GREM2: variants seen among roughly 807,000 people sequenced by gnomAD.
GREM2 encodes gremlin-2.
Under a neutral mutation model 14.2 loss-of-function variants are expected in GREM2, and 11 were observed. The observed-to-expected ratio is 0.78, with a 90% CI of 0.49 to 1.28. The LOEUF is 1.28. Ranked by LOEUF, GREM2 falls within the 50% of genes most tolerant of loss-of-function variation. GREM2 has a pLI of 0.00. For synonymous variants in GREM2, 98 were observed against 97.6 expected (o/e 1.00, Z -0.02); for missense variants, 210 against 218.5 (o/e 0.96, Z 0.24).
Position 240,490,154 on chromosome 1 carries a change from T to C in GREM2, c.*2815A>G, listed in dbSNP as rs1386030148. The C allele has an allele frequency of 6.6e-6, 1 of 152,232 alleles. No homozygotes were observed. Among genetic ancestry groups the C allele is most frequent in the Non-Finnish European group, 1.5e-5 (1 of 68,050 alleles). 9.4% of individuals were successfully genotyped at this position (152,232 alleles called of 1,614,324 possible). ...CTGGTGCTAACGGAGAGACTAACAGTGGACTTCCATTGCTGCAGTTTCTCA... is the reference window on the plus strand; with the variant it reads ...CTGGTGCTAACGGAGAGACTAACAGCGGACTTCCATTGCTGCAGTTTCTCA... On this transcript the variant is annotated 3_prime_UTR_variant, in exon 2 of 2. Coordinates refer to ENST00000318160, the MANE Select transcript of GREM2 (RefSeq NM_022469.4).
At chr1:240,546,548 T>C (rs976570054) in intron 1 of GREM2, among the ~76,000 whole-genome samples, 6 of 152,170 alleles carry the variant, frequency 3.9e-5, no homozygotes, top group Admixed American at 3.3e-4. Flanking sequence ...TGTTCCTACA[T>C]AGAGTTTTGC....
chr1:240,563,227 G>A (rs368738685), intron 1 of GREM2, among the ~76,000 whole-genome samples: 44 of 151,406 alleles, frequency 2.9e-4, no homozygotes, highest in Middle Eastern at 3.4e-3. Flanking sequence ...TTGAGTGTGC[G>A]TGAGAGTGTG....
chr1:240,577,536 G>A (rs1477582829), intron 1 of GREM2, among the ~76,000 whole-genome samples: 1 of 152,216 alleles, frequency 6.6e-6, no homozygotes, highest in Non-Finnish European at 1.5e-5. Context: ...AGTGATTGAT[G>A]ACGGGAGGTG....
At position 240,493,492 on chromosome 1, in the gene GREM2, G is replaced by C; in HGVS notation, c.-1-16C>G. ...CCAGAACATCCTGCAAACGAGAAAA[G>C]AGAGGGGCTGGCTGTGAAGGGCCGT... is the stretch of plus-strand genomic sequence containing the variant. On this transcript the variant is annotated splice_polypyrimidine_tract_variant and intron_variant, in intron 1 of 1. Transcript: ENST00000318160. The C allele has an allele frequency of 6.9e-6, 11 of 1,588,930 alleles. No individual in the cohort carries two copies. The highest frequency in any genetic ancestry group is 9.4e-6 in the Non-Finnish European group (11 of 1,166,818).
intron 1 of GREM2, among the ~76,000 whole-genome samples, chr1:240,578,493 C>T (rs1271185157): frequency 6.6e-6 from 1 of 151,884 alleles, no homozygotes. Flanking sequence ...TCATCTAAAA[C>T]ATGGGTATAG....
At chr1:240,611,746 A>T (rs904269078) in intron 1 of GREM2, 138 bp downstream of exon 1, 2 of 152,638 alleles carry the variant, frequency 1.3e-5, no homozygotes, top group Admixed American at 1.3e-4. Flanking sequence ...ACCCGGGGTG[A>T]AACCGGCGAG....
At chr1:240,591,064 G>A (rs779338458) in intron 1 of GREM2, among the ~76,000 whole-genome samples, 5 of 152,160 alleles carry the variant, frequency 3.3e-5, no homozygotes, top group East Asian at 1.9e-4. Context: ...ACAGGCGTGA[G>A]CCACCATGCC....
intron 1 of GREM2, among the ~76,000 whole-genome samples, chr1:240,604,836 C>A (rs1679997393): frequency 6.6e-6 from 1 of 152,148 alleles, no homozygotes; most frequent in South Asian, 2.1e-4. Context: ...GACTTTCCTC[C>A]CCATCTAATT....
intron 1 of GREM2, among the ~76,000 whole-genome samples, chr1:240,562,866 ATG>A (rs1209284891): frequency 4.1e-5 from 6 of 147,482 alleles, no homozygotes; most frequent in East Asian, 2.0e-4. Context: ...GTATGTGTAT[ATG>A]TGAGTGTGTA....
At chr1:240,547,193 T>A (rs1489357423) in intron 1 of GREM2, among the ~76,000 whole-genome samples, 2 of 151,492 alleles carry the variant, frequency 1.3e-5, no homozygotes, top group Non-Finnish European at 2.9e-5. Flanking sequence ...GGGAGAAGAG[T>A]CTTTTGATGT....
chr1:240,535,809 A>AG (rs1288477112), intron 1 of GREM2, among the ~76,000 whole-genome samples: 9 of 151,422 alleles, frequency 5.9e-5, no homozygotes, highest in Non-Finnish European at 1.0e-4. Context: ...AAAAAAAAAA[A>AG]AAAGAAAGAA....
intron 1 of GREM2, among the ~76,000 whole-genome samples, chr1:240,498,859 C>T (rs12569318): frequency 6.6e-6 from 1 of 152,164 alleles, no homozygotes; most frequent in Admixed American, 6.5e-5. Context: ...TATTAACCAT[C>T]TTTCTGGCCT....
At chr1:240,554,383 C>G (rs1472240921) in intron 1 of GREM2, among the ~76,000 whole-genome samples, 1 of 151,016 alleles carries the variant, frequency 6.6e-6, no homozygotes, top group Admixed American at 6.6e-5. Context: ...TGCACTCCAG[C>G]CTGGGTGACA....
At chr1:240,531,525 G>T in intron 1 of GREM2, 1 of 464,962 alleles carries the variant, frequency 2.2e-6, no homozygotes, top group Non-Finnish European at 2.8e-6. Context: ...TCCACTGAGT[G>T]CTTCTTCTTT....
chr1:240,548,822 C>G (rs1468566591), intron 1 of GREM2, among the ~76,000 whole-genome samples: 1 of 152,156 alleles, frequency 6.6e-6, no homozygotes, highest in Non-Finnish European at 1.5e-5. Flanking sequence ...GGAAAACGAA[C>G]AACCTTGGTT....
chr1:240,586,521 T>C (rs1317339786), intron 1 of GREM2, among the ~76,000 whole-genome samples: 1 of 152,172 alleles, frequency 6.6e-6, no homozygotes, highest in African/African-American at 2.4e-5. Context: ...CTAAGCTTAT[T>C]AGCAGAGAAG....
At chr1:240,518,603 T>G (rs1678001645) in intron 1 of GREM2, among the ~76,000 whole-genome samples, 2 of 152,216 alleles carry the variant, frequency 1.3e-5, no homozygotes, top group Admixed American at 1.3e-4. Flanking sequence ...TTTCTGGATT[T>G]GTTGTCTAGA....
At chr1:240,610,834 G>A (rs922649268) in intron 1 of GREM2, among the ~76,000 whole-genome samples, 1 of 152,154 alleles carries the variant, frequency 6.6e-6, no homozygotes, top group African/African-American at 2.4e-5. Flanking sequence ...TTTTCATAGG[G>A]ATTCAGAGCC....
chr1:240,576,736 T>C (rs1164819645), intron 1 of GREM2, among the ~76,000 whole-genome samples: 3 of 152,338 alleles, frequency 2.0e-5, no homozygotes, highest in Non-Finnish European at 2.9e-5. Context: ...ACAGACACTA[T>C]ATCAGAAATT....
Sources: allele counts gnomAD v4.1 joint callset (sites outside exome capture counted in the v4.1 genomes callset), GRCh38; gene constraint gnomAD v4.1.1; transcripts MANE v1.5; gene names NCBI Gene and HGNC (gene_info 2026-07-23, HGNC 2026-07-21).